Variants in CEMIP2 observed in about 807,000 individuals in gnomAD.
CEMIP2 encodes cell migration inducing hyaluronidase 2.
A neutral mutation model predicts 146.9 loss-of-function variants in CEMIP2; 79 were observed. That is an observed-to-expected ratio of 0.54 (90% CI 0.45 to 0.65). CEMIP2 has a LOEUF of 0.65. Ranked by LOEUF, CEMIP2 falls within the 30% of genes least tolerant of loss-of-function variation. The pLI is 0.00. For missense variants in CEMIP2, 1,596 were observed against 1,696.2 expected, an observed-to-expected ratio of 0.94 and a Z score of 1.04; for synonymous variants, 601 against 606.3, an observed-to-expected ratio of 0.99 and a Z score of 0.13.
chr9:71,716,845 T>C (rs1313259775), intron 13 of CEMIP2, among the ~76,000 whole-genome samples: 1 of 152,194 alleles, frequency 6.6e-6, no homozygotes, highest in East Asian at 1.9e-4. Flanking sequence ...ACCTTCCTCA[T>C]AGGATTCTTG....
At chr9:71,694,322 T>C (rs1164055209) in intron 21 of CEMIP2, among the ~76,000 whole-genome samples, 187 bp downstream of exon 21, 1 of 152,082 alleles carries the variant, frequency 6.6e-6, no homozygotes, top group Non-Finnish European at 1.5e-5. Context: ...GAGACAGCGT[T>C]TCACCATGTT....
chr9:71,746,550 T>C (rs990211482), intron 2 of CEMIP2, among the ~76,000 whole-genome samples: 30 of 133,344 alleles, frequency 2.2e-4, no homozygotes, highest in African/African-American at 8.4e-4. Context: ...TTTAAAGTTT[T>C]ACCACAAAAC....
At chr9:71,742,433 C>T (rs1269817591) in intron 4 of CEMIP2, among the ~76,000 whole-genome samples, 1 of 152,204 alleles carries the variant, frequency 6.6e-6, no homozygotes, top group Admixed American at 6.5e-5. Context: ...ACTCCTACTT[C>T]CCTCCTCCAC....
At chr9:71,720,543 T>C (rs1823204977) in intron 12 of CEMIP2, among the ~76,000 whole-genome samples, 1 of 152,154 alleles carries the variant, frequency 6.6e-6, no homozygotes, top group South Asian at 2.1e-4. Context: ...CCACCCGCCT[T>C]GGCTTCCCAA....
At chr9:71,757,865 AG>A (rs1824511276) in intron 1 of CEMIP2, among the ~76,000 whole-genome samples, 1 of 152,238 alleles carries the variant, frequency 6.6e-6, no homozygotes, top group African/African-American at 2.4e-5. Flanking sequence ...TACATAAAAA[AG>A]TGTTCAATTA....
chr9:71,728,320 T>TATACAC lies in CEMIP2; in HGVS notation c.2049+1524_2049+1525insGTGTAT, dbSNP rs1564012812. ...ATATATACATATATATATATATACG[T>TATACAC]ATATATATATATCTCAGCAGGTATG... On this transcript the variant is annotated intron_variant, in intron 10 of 23. Coordinates refer to ENST00000377044, the MANE Select transcript of CEMIP2 (RefSeq NM_013390.3). Among the ~76,000 whole-genome samples the TATACAC allele has an allele frequency of 3.0e-4, 20 of 66,344 alleles. 1 individual carries two copies. The highest frequency in any genetic ancestry group is 1.3e-3 in the African/African-American group (19 of 14,530). The allele number at this position is 66,344 out of a possible 152,430, so 43.5% of individuals were successfully genotyped here. A position where few individuals can be genotyped will look rare whatever the true frequency, so the allele number is the denominator to read the frequency against.
Position 71,690,094 on chromosome 9 carries a change from T to G in CEMIP2, c.3849A>C (p.Pro1283=). The G allele has an allele frequency of 6.2e-7, 1 of 1,614,086 alleles. No individual in the cohort carries two copies. The highest frequency in any genetic ancestry group is 8.5e-7 in the Non-Finnish European group (1 of 1,179,964). The change falls in exon 22 of 24, where the codon CCA becomes CCC. Residue 1283 remains proline (P), a splice_region_variant and synonymous_variant. Coordinates refer to ENST00000377044, the MANE Select transcript of CEMIP2 (RefSeq NM_013390.3). ...GTTACAGCACAAGCTTGACCTACCT[T>G]GGAGGGATGCCTGTTTTTAAATACT... ...IEEYLKTGIP[P]RSIVLLSTRG... is the part of the protein sequence containing the mutation.
intron 4 of CEMIP2, among the ~76,000 whole-genome samples, chr9:71,743,252 C>T (rs934959375): frequency 9.2e-5 from 14 of 152,148 alleles, no homozygotes; most frequent in African/African-American, 3.4e-4. Flanking sequence ...TGGCTCCCTT[C>T]GGTGGGGAAG....
intron 1 of CEMIP2, among the ~76,000 whole-genome samples, chr9:71,763,626 A>G (rs751633334): frequency 6.6e-5 from 10 of 152,242 alleles, no homozygotes; most frequent in Non-Finnish European, 1.3e-4. Context: ...TCAAACTACA[A>G]TGGACCCTTG....
At chr9:71,746,446 A>C in intron 2 of CEMIP2, 105 bp from the exon 3 acceptor site, 1 of 1,366,374 alleles carries the variant, frequency 7.3e-7, no homozygotes, top group South Asian at 1.4e-5. Context: ...AAATGTGCTA[A>C]CATATGTTGA....
At chr9:71,716,391 G>T in intron 14 of CEMIP2, 126 bp downstream of exon 14, 2 of 740,000 alleles carry the variant, frequency 2.7e-6, no homozygotes, top group Non-Finnish European at 4.4e-6. Context: ...GTGGCATCAG[G>T]AAGAGGTTGC....
chr9:71,711,803 G>A (rs1018232540), intron 16 of CEMIP2, among the ~76,000 whole-genome samples: 1 of 152,106 alleles, frequency 6.6e-6, no homozygotes, highest in Admixed American at 6.5e-5. Context: ...ATGTCCTCTT[G>A]TTCCTATGAA....
intron 4 of CEMIP2, among the ~76,000 whole-genome samples, chr9:71,741,185 A>ATTTTTTTTTTTT (rs79872255): frequency 1.4e-5 from 1 of 72,242 alleles, no homozygotes; most frequent in African/African-American, 6.3e-5. Context: ...ACTGAGTTAG[A>ATTTTTTTTTTTT]TTTTTTTTTT....
chr9:71,737,143 T>C (rs1589155209), intron 5 of CEMIP2, among the ~76,000 whole-genome samples: 1 of 105,428 alleles, frequency 9.5e-6, no homozygotes, highest in Non-Finnish European at 1.9e-5. Context: ...GAGACAAGAG[T>C]AAGATCTTTC....
intron 17 of CEMIP2, among the ~76,000 whole-genome samples, chr9:71,708,142 C>T (rs916962835): frequency 3.9e-5 from 6 of 152,196 alleles, no homozygotes; most frequent in Non-Finnish European, 8.8e-5. Context: ...GCCAAGATTG[C>T]GCCACTGCAC....
chr9:71,764,525 T>C (rs921194629), intron 1 of CEMIP2, among the ~76,000 whole-genome samples: 11 of 152,110 alleles, frequency 7.2e-5, no homozygotes, highest in African/African-American at 2.7e-4. Context: ...CCTCTCTGGG[T>C]CCCAACTTCC....
At chr9:71,699,336 C>A in intron 19 of CEMIP2, 1 of 361,798 alleles carries the variant, frequency 2.8e-6, no homozygotes, top group Non-Finnish European at 5.6e-6. Flanking sequence ...GCAGCAGCTA[C>A]TTGTGAGGCT....
rs1822007185 is a variant in CEMIP2, at chr9:71,684,854, GCTGA to G, written c.*339_*342del. Reference sequence around the variant, plus strand: ...ATAGCTGGTCCTCTAAAGACCTCAGGCTGACTCTCAGAAGCCCCCACTCCACCCC... The same window carrying G: ...ATAGCTGGTCCTCTAAAGACCTCAGGCTCTCAGAAGCCCCCACTCCACCCC... On this transcript the variant is annotated 3_prime_UTR_variant, in exon 24 of 24. Coordinates refer to ENST00000377044, the MANE Select transcript of CEMIP2 (RefSeq NM_013390.3). 1 of 201,480 alleles carries G rather than the reference GCTGA, an allele frequency of 5.0e-6. No homozygotes were observed. The highest frequency in any genetic ancestry group is 2.3e-5 in the African/African-American group (1 of 43,348). The allele number at this position is 201,480 out of a possible 1,614,324, so 12.5% of individuals were successfully genotyped here. A position where few individuals can be genotyped will look rare whatever the true frequency, so the allele number is the denominator to read the frequency against.
chr9:71,714,224 A>G (rs1300096437), intron 15 of CEMIP2, among the ~76,000 whole-genome samples: 1 of 152,224 alleles, frequency 6.6e-6, no homozygotes, highest in Admixed American at 6.5e-5. Context: ...AGGCCTAAAA[A>G]CACTGTTGAA....
Sources: gnomAD v4.1 joint callset for allele counts (sites outside exome capture counted in the v4.1 genomes callset) on GRCh38, gnomAD v4.1.1 for gene constraint, MANE v1.5 for transcripts, NCBI Gene and HGNC (gene_info 2026-07-23, HGNC 2026-07-21) for gene names.